The following UNC80 variants were observed in gnomAD, a reference collection of about 807,000 sequenced individuals.
UNC80 encodes the protein unc-80 subunit of NALCN channel complex, also known as protein unc-80 homolog.
UNC80 carries 164 observed loss-of-function variants against 384.6 expected under a neutral mutation model. The ratio of observed to expected loss-of-function variants is 0.43; its 90% confidence interval spans 0.38 to 0.49. UNC80 has a LOEUF of 0.49. UNC80 is among the 20% of genes least tolerant of loss of function. The pLI, the probability that UNC80 is intolerant of heterozygous loss-of-function variation, is 0.00. For missense variants in UNC80, 3,330 were observed against 4,143.0 expected (o/e 0.80, Z 5.39); for synonymous variants, 1,486 against 1,527.8 (o/e 0.97, Z 0.64).
intron 19 of UNC80, 140 bp from the exon 20 acceptor site, chr2:209,840,402 T>C (rs2081650438): frequency 2.9e-6 from 2 of 694,008 alleles, no homozygotes; most frequent in Middle Eastern, 3.8e-4. Flanking sequence ...ATTCAAAGCA[T>C]GTACATTGAA....
intron 31 of UNC80, 85 bp from the exon 32 acceptor site, chr2:209,917,692 A>T: frequency 6.9e-7 from 1 of 1,458,974 alleles, no homozygotes; most frequent in Non-Finnish European, 9.2e-7. Flanking sequence ...TTTTCAGAAG[A>T]TAGAAGCAGT....
intron 48 of UNC80, among the ~76,000 whole-genome samples, chr2:209,955,424 A>G (rs1293095718): frequency 6.6e-6 from 1 of 152,054 alleles, no homozygotes; most frequent in African/African-American, 2.4e-5. Flanking sequence ...AGCCTTCTGT[A>G]GACTATCATC....
At chr2:209,953,416 CAAA>C (rs543990253) in intron 47 of UNC80, among the ~76,000 whole-genome samples, 1,573 of 42,186 alleles carry the variant, frequency 0.037, 11 homozygotes, top group African/African-American at 0.11. Flanking sequence ...AAGACTCTGT[CAAA>C]AAAAAAAAAA....
intron 23 of UNC80, among the ~76,000 whole-genome samples, chr2:209,873,535 G>A (rs888131782): frequency 1.3e-5 from 2 of 152,076 alleles, no homozygotes; most frequent in Non-Finnish European, 2.9e-5. Context: ...ATTTAAAAGT[G>A]AATGAATGAA....
At chr2:209,811,754 T>C (rs904104794) in intron 7 of UNC80, among the ~76,000 whole-genome samples, 4 of 152,188 alleles carry the variant, frequency 2.6e-5, no homozygotes, top group Non-Finnish European at 1.5e-5. Flanking sequence ...TAAGATAGCA[T>C]TGAAATTCAA....
At chr2:209,964,648 C>T (rs1424639708) in intron 51 of UNC80, among the ~76,000 whole-genome samples, 1 of 151,890 alleles carries the variant, frequency 6.6e-6, no homozygotes, top group Non-Finnish European at 1.5e-5. Context: ...ATTAGCTGGG[C>T]GTGGTGGCAT....
At chr2:209,819,491 C>A (rs774321052) in intron 12 of UNC80, among the ~76,000 whole-genome samples, 1 of 150,360 alleles carries the variant, frequency 6.7e-6, no homozygotes, top group Non-Finnish European at 1.5e-5. Flanking sequence ...TTTTTATAAT[C>A]CAAAACCATT....
chr2:209,844,463 C>CTTTCTTTCTTTCTTTCTTTCTTTCTT lies in UNC80; in HGVS notation c.3454+2033_3454+2034insTTTCTTTCTTTTTCTTTCTTTCTTTC, dbSNP rs2082002142. 3.8e-5 allele frequency among the ~76,000 whole-genome samples: 2 copies of CTTTCTTTCTTTCTTTCTTTCTTTCTT among 53,080 alleles called. 1 individual carries two copies. Among genetic ancestry groups the CTTTCTTTCTTTCTTTCTTTCTTTCTT allele is most frequent in the Non-Finnish European group, 9.7e-5 (2 of 20,616 alleles). The allele number at this position is 53,080 out of a possible 152,430, so 34.8% of individuals were successfully genotyped here. A position where few individuals can be genotyped will look rare whatever the true frequency, so the allele number is the denominator to read the frequency against. ...TCTTGCTCTTTTCTTTTCTTTCTTT[C>CTTTCTTTCTTTCTTTCTTTCTTTCTT]TTTCTTTCTTTCTTTCCTTCCTTCC... On this transcript the variant is annotated intron_variant, in intron 21 of 64. Transcript: ENST00000673920.
chr2:209,939,748 G>C lies in UNC80; in HGVS notation c.6646+96G>C, dbSNP rs141480931. ...ATTATTATTATACTTTAAGTTTTAG[G>C]GTACATGTGCTCAACGTGCAGGTTT... On this transcript the variant is annotated intron_variant, in intron 43 of 64. Coordinates refer to ENST00000673920, the MANE Select transcript of UNC80 (RefSeq NM_001371986.1). 759 of 1,176,516 alleles carry C rather than the reference G, an allele frequency of 6.5e-4. 4 individuals are homozygous for C. In the East Asian group the frequency reaches 8.1e-3, roughly 13 times the overall value. The allele number at this position is 1,176,516 out of a possible 1,614,324, so 72.9% of individuals were successfully genotyped here. A position where few individuals can be genotyped will look rare whatever the true frequency, so the allele number is the denominator to read the frequency against.
At chr2:209,981,706 A>G (rs1200773132) in intron 59 of UNC80, among the ~76,000 whole-genome samples, 3 of 152,262 alleles carry the variant, frequency 2.0e-5, no homozygotes, top group African/African-American at 2.4e-5. Flanking sequence ...TATAGCTTTC[A>G]AATATTTTTC....
At chr2:209,906,444 T>A (rs948515135) in intron 29 of UNC80, among the ~76,000 whole-genome samples, 40 of 152,330 alleles carry the variant, frequency 2.6e-4, no homozygotes, top group African/African-American at 9.4e-4. Context: ...CATTGACAAG[T>A]GCCTTTTGAT....
chr2:209,830,886 T>C (rs1481811142), intron 15 of UNC80, among the ~76,000 whole-genome samples: 3 of 152,170 alleles, frequency 2.0e-5, no homozygotes, highest in Admixed American at 2.0e-4. Flanking sequence ...AACTCTGCAG[T>C]TCTTGGCAGG....
chr2:209,772,817 C>T (rs941616304), intron 1 of UNC80, among the ~76,000 whole-genome samples: 10 of 152,140 alleles, frequency 6.6e-5, no homozygotes, highest in South Asian at 4.2e-4. Flanking sequence ...AAGTAATGCA[C>T]CACTTCTGAC....
At chr2:209,866,056 AC>A (rs58895631) in intron 22 of UNC80, among the ~76,000 whole-genome samples, 10,255 of 152,102 alleles carry the variant, frequency 0.067, 1,157 homozygotes, top group African/African-American at 0.23. Flanking sequence ...TTTTACTAAA[AC>A]GTTCTTAGCA....
Position 209,931,007 on chromosome 2 carries a change from A to G in UNC80, c.5947A>G (p.Ile1983Val). ...CATGCTGCGCAAACTTCTCTTGAAT[A>G]TTGGAGACTTTCCTGCTCAGACATC... ...MYMLRKLLLN[I>V]GDFPAQTSHI... The change falls in exon 38 of 65, where the codon ATT (isoleucine) becomes GTT (valine). Residue 1983 changes from isoleucine (I) to valine (V), a missense_variant. Physicochemically the swap from Ile to Val is conservative, Grantham distance 29. Around this residue, in one of 8 missense-constraint regions of UNC80, gnomAD observed 1,049 missense variants for 1,488.6 expected, o/e 0.70. Transcript: ENST00000673920. 6.4e-7 allele frequency: 1 copy of G among 1,550,846 alleles called. No homozygotes were observed. Among genetic ancestry groups the G allele is most frequent in the East Asian group, 2.4e-5 (1 of 40,876 alleles).
At chr2:209,833,226 A>C (rs989951572) in intron 16 of UNC80, among the ~76,000 whole-genome samples, 4 of 149,196 alleles carry the variant, frequency 2.7e-5, no homozygotes, top group Non-Finnish European at 5.9e-5. Flanking sequence ...TATGAAGGTA[A>C]GTGTTCTTTA....
intron 4 of UNC80, among the ~76,000 whole-genome samples, chr2:209,781,160 C>T (rs1001875087): frequency 3.5e-4 from 53 of 152,160 alleles, no homozygotes; most frequent in Admixed American, 2.0e-3. Context: ...TCCATATCCT[C>T]ACCTCCCATT....
chr2:209,893,960 G>T (rs1574919382), intron 26 of UNC80, among the ~76,000 whole-genome samples: 1 of 152,250 alleles, frequency 6.6e-6, no homozygotes, highest in East Asian at 1.9e-4. Context: ...CAGTTCCGAT[G>T]AGCTTTGTGT....
intron 22 of UNC80, among the ~76,000 whole-genome samples, chr2:209,870,393 G>T (rs1408966304): frequency 6.6e-6 from 1 of 152,130 alleles, no homozygotes; most frequent in East Asian, 1.9e-4. Flanking sequence ...ATACAAGAAA[G>T]AATGTAGATA....
Sources: allele counts gnomAD v4.1 joint callset (sites outside exome capture counted in the v4.1 genomes callset), GRCh38; gene constraint gnomAD v4.1.1; regional missense constraint gnomAD v4.1.1; transcripts MANE v1.5; gene names NCBI Gene and HGNC (gene_info 2026-07-23, HGNC 2026-07-21).